FRMD4A: variants seen among roughly 807,000 people sequenced by gnomAD.
FRMD4A encodes the protein FERM domain-containing protein 4A.
A neutral mutation model predicts 129.1 loss-of-function variants in FRMD4A; 29 were observed. That is an observed-to-expected ratio of 0.22 (90% CI 0.17 to 0.31). FRMD4A has a LOEUF of 0.31. FRMD4A is among the 10% of genes least tolerant of loss of function. FRMD4A has a pLI of 1.00. For missense variants in FRMD4A, 1,272 were observed against 1,375.8 expected (o/e 0.92, Z 1.19); for synonymous variants, 634 against 571.6 (o/e 1.11, Z -1.56).
chr10:14,060,381 G>T (rs905424179), intron 2 of FRMD4A, among the ~76,000 whole-genome samples: 1 of 152,130 alleles, frequency 6.6e-6, no homozygotes, highest in South Asian at 2.1e-4. Context: ...CTATGAAATA[G>T]GTACTATTAT....
At position 13,713,982 on chromosome 10, in the gene FRMD4A, T is replaced by TATAC. The variant is rs1162244328; in HGVS notation, c.760-6873_760-6870dup. ...ATATATAATATATACATATATGTAATATACATATATAATATACATATATAA... is the reference window on the plus strand; with the variant it reads ...ATATATAATATATACATATATGTAATATACATACATATATAATATACATATATAA... On this transcript the variant is annotated intron_variant, in intron 12 of 24. Coordinates refer to ENST00000357447, the MANE Select transcript of FRMD4A (RefSeq NM_018027.5). 3.9e-3 allele frequency among the ~76,000 whole-genome samples: 374 copies of TATAC among 95,892 alleles called. 5 individuals are homozygous for TATAC. In the Middle Eastern group the frequency reaches 0.045, roughly 11 times the overall value. The allele number at this position is 95,892 out of a possible 152,430, so 62.9% of individuals were successfully genotyped here.
intron 9 of FRMD4A, 100 bp downstream of exon 9, chr10:13,747,636 G>A (rs374776646): frequency 1.5e-6 from 1 of 673,002 alleles, no homozygotes; most frequent in East Asian, 2.6e-5. Flanking sequence ...AGTCCAGGCT[G>A]GCACGTGGGA....
rs537001197 is a variant in FRMD4A at position 13,886,012 on chromosome 10, C to T, written c.46-27100G>A. Among the ~76,000 whole-genome samples the T allele has an allele frequency of 1.1e-4, 16 of 152,224 alleles. No individual in the cohort carries two copies. The South Asian group carries it at 1.5e-3, about 14-fold the overall frequency. ...ATGGGCAAGCCAGCGCTAGACTCTC[C>T]GGCTATTGGTAGGTATGTCGTCTAG... On this transcript the variant is annotated intron_variant, in intron 2 of 24. Coordinates refer to ENST00000357447, the MANE Select transcript of FRMD4A (RefSeq NM_018027.5).
chr10:13,918,857 T>C (rs1224925921), intron 2 of FRMD4A, among the ~76,000 whole-genome samples: 1 of 149,686 alleles, frequency 6.7e-6, no homozygotes, highest in East Asian at 2.0e-4. Flanking sequence ...CAAAGCAAAA[T>C]GGTTTTTTGT....
chr10:13,872,132 G>A (rs1461654852), intron 2 of FRMD4A, among the ~76,000 whole-genome samples: 8 of 152,196 alleles, frequency 5.3e-5, no homozygotes, highest in Non-Finnish European at 1.2e-4. Context: ...CCTACACACA[G>A]TGGAGTCAGG....
intron 2 of FRMD4A, among the ~76,000 whole-genome samples, chr10:14,256,307 A>G (rs1039899292): frequency 1.3e-5 from 2 of 152,166 alleles, no homozygotes; most frequent in African/African-American, 4.8e-5. Flanking sequence ...AAGAAGTTCT[A>G]TACAAATTTC....
chr10:13,996,115 G>T lies in FRMD4A; in HGVS notation c.46-137203C>A, dbSNP rs370540692. ...AAACTTTCTTCCTGTGTCCTCACAT[G>T]GTGGAAGGGACTACTGAGCTTTTGA... is the stretch of plus-strand genomic sequence containing the variant. On this transcript the variant is annotated intron_variant, in intron 2 of 24. Transcript: ENST00000357447. 1.6e-4 allele frequency among the ~76,000 whole-genome samples: 24 copies of T among 152,318 alleles called. No homozygotes were observed. In the South Asian group the frequency reaches 4.8e-3, roughly 30 times the overall value.
intron 15 of FRMD4A, chr10:13,675,747 T>C (rs1311683568): frequency 6.6e-6 from 1 of 152,162 alleles, no homozygotes; most frequent in Non-Finnish European, 1.5e-5. Flanking sequence ...AAATACTTAT[T>C]ATTTTTGCTT....
chr10:13,842,416 C>T (rs1304259423), intron 3 of FRMD4A, among the ~76,000 whole-genome samples: 1 of 152,210 alleles, frequency 6.6e-6, no homozygotes, highest in Non-Finnish European at 1.5e-5. Flanking sequence ...TGGTCCCAGC[C>T]CCCACTGATT....
At chr10:14,158,739 A>G (rs552191378) in intron 2 of FRMD4A, among the ~76,000 whole-genome samples, 18 of 151,270 alleles carry the variant, frequency 1.2e-4, no homozygotes, top group Admixed American at 6.6e-4. Flanking sequence ...GAAGAAGAGG[A>G]AAAGGAGGAG....
intron 2 of FRMD4A, among the ~76,000 whole-genome samples, chr10:14,207,112 T>C (rs1842805829): frequency 3.3e-5 from 5 of 152,076 alleles, no homozygotes; most frequent in African/African-American, 1.2e-4. Context: ...AATGGTTAGA[T>C]AAGCAACATA....
chr10:14,228,760 G>T (rs930522454), intron 2 of FRMD4A, among the ~76,000 whole-genome samples: 1 of 151,142 alleles, frequency 6.6e-6, no homozygotes, highest in Admixed American at 6.6e-5. Context: ...CTATTTGTTT[G>T]CTTTTTTTTT....
intron 2 of FRMD4A, among the ~76,000 whole-genome samples, chr10:14,248,719 T>A (rs1057127455): frequency 6.6e-6 from 1 of 152,236 alleles, no homozygotes; most frequent in Non-Finnish European, 1.5e-5. Flanking sequence ...AATGCTTGCA[T>A]TCATGAGGTC....
intron 2 of FRMD4A, among the ~76,000 whole-genome samples, chr10:14,278,403 G>T (rs1845410953): frequency 6.6e-6 from 1 of 152,124 alleles, no homozygotes; most frequent in Admixed American, 6.5e-5. Context: ...GGCTTGAAAT[G>T]CCATCAGTGA....
chr10:13,813,170 C>T (rs534194233), intron 3 of FRMD4A, among the ~76,000 whole-genome samples: 6 of 152,324 alleles, frequency 3.9e-5, no homozygotes, highest in South Asian at 2.1e-4. Flanking sequence ...AGTGGCCGGG[C>T]GCCATGGCTC....
chr10:14,180,005 G>A (rs1057235838), intron 2 of FRMD4A, among the ~76,000 whole-genome samples: 1 of 152,200 alleles, frequency 6.6e-6, no homozygotes, highest in African/African-American at 2.4e-5. Context: ...CTGCACTCCA[G>A]CCTGGGCTAC....
At chr10:13,678,322 G>C (rs1457962318) in intron 15 of FRMD4A, among the ~76,000 whole-genome samples, 1 of 152,170 alleles carries the variant, frequency 6.6e-6, no homozygotes, top group Middle Eastern at 3.2e-3. Flanking sequence ...GGGCGAAGAT[G>C]GTGTCTGGGT....
In FRMD4A at chr10:13,657,304, G is replaced by T. The variant is rs185170152; in HGVS notation, c.2285C>A (p.Ala762Glu). Residue 762 changes from alanine to glutamate, a missense_variant, in exon 22 of 25, where the codon GCG (alanine) becomes GAG (glutamate). Ala to Glu is a moderately radical substitution (Grantham distance 107, BLOSUM62 -1). Coordinates refer to ENST00000357447, the MANE Select transcript of FRMD4A (RefSeq NM_018027.5). ...CGTGGAGTAGTTGGCGTTCATCTGCGCCGGGTAGTAGTGCTCCGAGCTCGA... is the reference window on the plus strand; with the variant it reads ...CGTGGAGTAGTTGGCGTTCATCTGCTCCGGGTAGTAGTGCTCCGAGCTCGA... Reference protein sequence around the residue: ...SHSSSEHYYPAQMNANYSTLA... With the variant: ...SHSSSEHYYPEQMNANYSTLA... 8.7e-6 allele frequency: 14 copies of T among 1,610,574 alleles called. No individual in the cohort carries two copies. The East Asian group carries it at 3.1e-4, about 36-fold the overall frequency.
At chr10:13,765,114 GT>G (rs1202429085) in intron 6 of FRMD4A, among the ~76,000 whole-genome samples, 24,662 of 104,558 alleles carry the variant, frequency 0.24, 928 homozygotes, top group East Asian at 0.43. Context: ...TTTTTTTTTT[GT>G]TTTTTTTTTT....
Sources: allele counts gnomAD v4.1 joint callset (sites outside exome capture counted in the v4.1 genomes callset), GRCh38; gene constraint gnomAD v4.1.1; transcripts MANE v1.5; gene names NCBI Gene and HGNC (gene_info 2026-07-23, HGNC 2026-07-21).